The following NWD2 variants were observed in gnomAD, a reference collection of about 807,000 sequenced individuals.
The protein encoded by NWD2 is NACHT and WD repeat domain-containing protein 2.
A neutral mutation model predicts 132.7 loss-of-function variants in NWD2; 37 were observed. The observed-to-expected ratio is 0.28, with a 90% CI of 0.21 to 0.37. The LOEUF is 0.37. Ranked by LOEUF, NWD2 falls within the 10% of genes least tolerant of loss-of-function variation. NWD2 has a pLI of 1.00. For synonymous variants in NWD2, 705 were observed against 803.0 expected (o/e 0.88, Z 2.06); for missense variants, 1,592 against 2,122.4 (o/e 0.75, Z 4.91).
At chr4:37,295,423 A>G (rs1352754077) in intron 1 of NWD2, among the ~76,000 whole-genome samples, 13 of 152,194 alleles carry the variant, frequency 8.5e-5, no homozygotes, top group Non-Finnish European at 2.9e-5. Flanking sequence ...AGTTGAAATC[A>G]TCTCATTGAC....
chr4:37,261,842 G>T lies in NWD2; in HGVS notation c.151+16624G>T, dbSNP rs1717643144. ...CCCAGTTAACGGGTGGTCATAAAAG[G>T]TCTGTCTGATGAGATATTGTTTGAA... is the stretch of plus-strand genomic sequence containing the variant. On this transcript the variant is annotated intron_variant, in intron 1 of 6. Transcript: ENST00000309447. 4.6e-5 allele frequency among the ~76,000 whole-genome samples: 7 copies of T among 152,278 alleles called. No individual in the cohort carries two copies. The South Asian group carries it at 1.0e-3, about 23-fold the overall frequency.
chr4:37,446,714 G>A lies in NWD2; in HGVS notation c.4726G>A (p.Gly1576Ser), dbSNP rs1191912122. 3 of 1,551,456 alleles carry A rather than the reference G, an allele frequency of 1.9e-6. No homozygotes were observed. The highest frequency in any genetic ancestry group is 2.0e-5 in the Admixed American group (1 of 50,954). Reference protein sequence around the residue: ...IIWRQRLSRDGRYLVYICFRN... With the variant: ...IIWRQRLSRDSRYLVYICFRN... The stretch of plus-strand genomic sequence containing the variant: ...CTGGCGGCAGAGGTTGTCTCGGGAT[G>A]GTCGCTACCTGGTATACATTTGTTT... The change falls in exon 7 of 7, where the codon GGT (glycine) becomes AGT (serine). Residue 1576 changes from glycine to serine, a missense_variant. Gly to Ser is a moderately conservative substitution (Grantham distance 56). Transcript: ENST00000309447. This position sits in a 1 kb window ranked among gnomAD's most constrained non-coding sequence, Gnocchi z 6.7.
chr4:37,252,211 T>G, intron 1 of NWD2, among the ~76,000 whole-genome samples: 1 of 152,210 alleles, frequency 6.6e-6, no homozygotes, highest in South Asian at 2.1e-4. Flanking sequence ...GCAGAAAGCT[T>G]TTATCATTTT....
chr4:37,323,917 G>A (rs1454727066), intron 1 of NWD2, among the ~76,000 whole-genome samples: 1 of 150,246 alleles, frequency 6.7e-6, no homozygotes, highest in Non-Finnish European at 1.5e-5. Flanking sequence ...GAGGCCATAG[G>A]CCTAAACTAA....
chr4:37,253,318 T>G (rs1717431159), intron 1 of NWD2, among the ~76,000 whole-genome samples: 1 of 152,236 alleles, frequency 6.6e-6, no homozygotes, highest in Non-Finnish European at 1.5e-5. Flanking sequence ...TCATGCATCC[T>G]AATACTAAAT....
chr4:37,330,023 T>G (rs1257002301), intron 2 of NWD2, among the ~76,000 whole-genome samples: 1 of 152,206 alleles, frequency 6.6e-6, no homozygotes, highest in African/African-American at 2.4e-5. Flanking sequence ...CTTTATTCAA[T>G]TAAATTAATA....
chr4:37,311,127 A>G (rs1312751706), intron 1 of NWD2, among the ~76,000 whole-genome samples: 1 of 152,084 alleles, frequency 6.6e-6, no homozygotes, highest in Non-Finnish European at 1.5e-5. Context: ...AGCGTGATTT[A>G]TAGTCCTTTG....
Position 37,430,624 on chromosome 4 carries a change from C to T in NWD2, c.410C>T (p.Ala137Val). ...ATCCGAATCCCTGGAGAAGTTGAAG[C>T]CTCAGAGTTTGAAATGATTTTGGAT... Reference protein sequence around the residue: ...GNIRIPGEVEASEFEMILDAA... With the variant: ...GNIRIPGEVEVSEFEMILDAA... Residue 137 changes from alanine (A) to valine (V), a missense_variant, in exon 4 of 7, where the codon GCC (alanine) becomes GTC (valine). Physicochemically the swap from Ala to Val is moderately conservative, Grantham distance 64 (BLOSUM62 0). Around this residue, in one of 7 missense-constraint regions of NWD2, gnomAD observed 144 missense variants for 185.7 expected, o/e 0.78. Coordinates refer to ENST00000309447, the MANE Select transcript of NWD2 (RefSeq NM_001144990.2). 6.4e-7 allele frequency: 1 copy of T among 1,551,516 alleles called. No individual in the cohort carries two copies. Among genetic ancestry groups the T allele is most frequent in the Non-Finnish European group, 8.7e-7 (1 of 1,146,880 alleles).
At chr4:37,436,851 A>G (rs1712337175) in intron 5 of NWD2, among the ~76,000 whole-genome samples, 1 of 152,096 alleles carries the variant, frequency 6.6e-6, no homozygotes, top group Admixed American at 6.5e-5. Context: ...ACTCTTCCTT[A>G]AAAAGAATAG....
chr4:37,352,843 G>C (rs908837635), intron 2 of NWD2, among the ~76,000 whole-genome samples: 2 of 152,114 alleles, frequency 1.3e-5, no homozygotes, highest in African/African-American at 4.8e-5. Context: ...GGGGCATTTA[G>C]CCCATTTGTA....
At chr4:37,303,919 G>A (rs563757463) in intron 1 of NWD2, among the ~76,000 whole-genome samples, 1 of 152,224 alleles carries the variant, frequency 6.6e-6, no homozygotes, top group South Asian at 2.1e-4. Flanking sequence ...CAATGTGCAT[G>A]CCTTTTATTT....
At chr4:37,310,881 G>A (rs1252915394) in intron 1 of NWD2, among the ~76,000 whole-genome samples, 1 of 147,258 alleles carries the variant, frequency 6.8e-6, no homozygotes, top group Non-Finnish European at 1.5e-5. Flanking sequence ...AGAACCTGCA[G>A]TGTTTGGTTT....
At chr4:37,284,135 T>C (rs969308945) in intron 1 of NWD2, among the ~76,000 whole-genome samples, 1 of 152,138 alleles carries the variant, frequency 6.6e-6, no homozygotes, top group African/African-American at 2.4e-5. Flanking sequence ...TTCTCACAGT[T>C]GCCGAGACTG....
chr4:37,323,265 C>G (rs554253839), intron 1 of NWD2, among the ~76,000 whole-genome samples: 33 of 152,238 alleles, frequency 2.2e-4, no homozygotes, highest in Non-Finnish European at 4.0e-4. Context: ...AAACAGACAA[C>G]CTACCGAATG....
chr4:37,302,615 G>C (rs1461669506), intron 1 of NWD2, among the ~76,000 whole-genome samples: 1 of 151,890 alleles, frequency 6.6e-6, no homozygotes, highest in African/African-American at 2.4e-5. Flanking sequence ...ATTCTCACCA[G>C]CATTTTTTTT....
chr4:37,388,301 A>G (rs919399777), intron 3 of NWD2, among the ~76,000 whole-genome samples: 1 of 151,980 alleles, frequency 6.6e-6, no homozygotes, highest in Non-Finnish European at 1.5e-5. Context: ...CTCCTGCCTC[A>G]GCCTCCCAAG....
At chr4:37,256,676 A>G (rs1157158870) in intron 1 of NWD2, among the ~76,000 whole-genome samples, 1 of 152,212 alleles carries the variant, frequency 6.6e-6, no homozygotes, top group African/African-American at 2.4e-5. Flanking sequence ...TTACGAGCCC[A>G]TTTGTTTTAA....
intron 3 of NWD2, among the ~76,000 whole-genome samples, chr4:37,406,879 A>G (rs1410237892): frequency 6.6e-6 from 1 of 152,226 alleles, no homozygotes; most frequent in Admixed American, 6.5e-5. Context: ...CTGAGCAACA[A>G]GAGCAAAACT....
intron 1 of NWD2, among the ~76,000 whole-genome samples, chr4:37,290,229 A>C (rs376033327): frequency 5.3e-5 from 8 of 152,204 alleles, no homozygotes; most frequent in Non-Finnish European, 1.2e-4. Context: ...CATAGACAAT[A>C]CCAAGATAGA....
Sources: allele counts gnomAD v4.1 joint callset (sites outside exome capture counted in the v4.1 genomes callset), GRCh38; gene constraint gnomAD v4.1.1; regional missense constraint gnomAD v4.1.1; non-coding constraint Gnocchi (gnomAD v3.1); transcripts MANE v1.5; gene names NCBI Gene and HGNC (gene_info 2026-07-23, HGNC 2026-07-21).